The following BMPR1B variants were observed in gnomAD, a reference collection of about 807,000 sequenced individuals.
BMPR1B encodes bone morphogenetic protein receptor type-1B.
In BMPR1B, 12 loss-of-function variants were observed where a neutral mutation model predicts 59.1. The ratio of observed to expected loss-of-function variants is 0.20; its 90% CI spans 0.13 to 0.33. The LOEUF is 0.33. BMPR1B is among the 10% of genes least tolerant of loss of function. The pLI, the probability that BMPR1B is intolerant of heterozygous loss-of-function variation, is 1.00. For missense variants in BMPR1B, 550 were observed against 610.9 expected (o/e 0.90, Z 1.05); for synonymous variants, 237 against 207.3 (o/e 1.14, Z -1.23).
chr4:94,844,106 A>G (rs1418135459), intron 1 of BMPR1B, among the ~76,000 whole-genome samples: 1 of 152,228 alleles, frequency 6.6e-6, no homozygotes, highest in East Asian at 1.9e-4. Flanking sequence ...TGGGGACCAT[A>G]GCTGATAATA....
intron 8 of BMPR1B, among the ~76,000 whole-genome samples, chr4:95,127,262 A>G (rs938667582): frequency 6.6e-6 from 1 of 152,204 alleles, no homozygotes; most frequent in Admixed American, 6.5e-5. Context: ...ATATAGAATT[A>G]AAGTTTAGGT....
intron 3 of BMPR1B, among the ~76,000 whole-genome samples, chr4:95,064,897 A>G (rs1340065699): frequency 6.6e-6 from 1 of 152,138 alleles, no homozygotes; most frequent in East Asian, 1.9e-4. Flanking sequence ...GATGTGGAGA[A>G]ATTGGAATCC....
At chr4:95,073,498 C>T (rs944909425) in intron 3 of BMPR1B, among the ~76,000 whole-genome samples, 3 of 152,150 alleles carry the variant, frequency 2.0e-5, no homozygotes, top group African/African-American at 7.2e-5. Flanking sequence ...TTCCTCCCAA[C>T]ATCATAACCA....
intron 4 of BMPR1B, among the ~76,000 whole-genome samples, chr4:95,104,974 ACAC>A (rs745858391): frequency 6.6e-6 from 1 of 152,054 alleles, no homozygotes; most frequent in African/African-American, 2.4e-5. Context: ...TTTGGAAAGA[ACAC>A]CTAAGCTGCT....
intron 2 of BMPR1B, among the ~76,000 whole-genome samples, chr4:94,946,617 A>G (rs990592123): frequency 9.2e-5 from 14 of 152,204 alleles, no homozygotes; most frequent in Non-Finnish European, 1.8e-4. Context: ...TTATTATTTC[A>G]CTTTTAGAGT....
chr4:94,997,487 G>C (rs764475678), intron 3 of BMPR1B, among the ~76,000 whole-genome samples: 1 of 152,138 alleles, frequency 6.6e-6, no homozygotes, highest in Non-Finnish European at 1.5e-5. Flanking sequence ...TGTTGAATGC[G>C]TATATAACTT....
chr4:94,974,260 A>G (rs1730924369), intron 2 of BMPR1B, among the ~76,000 whole-genome samples: 1 of 152,150 alleles, frequency 6.6e-6, no homozygotes, highest in African/African-American at 2.4e-5. Context: ...AAGGCCATTA[A>G]CACTTTCTTC....
chr4:94,838,146 C>G (rs1724898013), intron 1 of BMPR1B, among the ~76,000 whole-genome samples: 1 of 139,900 alleles, frequency 7.1e-6, no homozygotes, highest in Non-Finnish European at 1.6e-5. Context: ...TGATGTGCTG[C>G]TGGATTCGTT....
intron 2 of BMPR1B, among the ~76,000 whole-genome samples, chr4:94,920,977 T>C (rs1728665646): frequency 6.6e-6 from 1 of 152,214 alleles, no homozygotes; most frequent in Non-Finnish European, 1.5e-5. Context: ...TCTTTTTTCT[T>C]CCGAGAAGAT....
intron 10 of BMPR1B, among the ~76,000 whole-genome samples, chr4:95,147,947 T>C (rs1203286375): frequency 2.6e-5 from 4 of 152,206 alleles, no homozygotes; most frequent in South Asian, 2.1e-4. Context: ...CCGTCATTAC[T>C]CTTTTCCCAG....
intron 3 of BMPR1B, among the ~76,000 whole-genome samples, chr4:95,028,699 G>A (rs962819891): frequency 2.0e-5 from 3 of 152,110 alleles, no homozygotes; most frequent in Non-Finnish European, 4.4e-5. Context: ...ATTTTTAAAA[G>A]ATGCCTTGTT....
At chr4:95,047,372 A>G (rs1181657196) in intron 3 of BMPR1B, among the ~76,000 whole-genome samples, 1 of 152,122 alleles carries the variant, frequency 6.6e-6, no homozygotes, top group Non-Finnish European at 1.5e-5. Context: ...ACTTTCCTTG[A>G]TAGTTTTAAG....
intron 1 of BMPR1B, among the ~76,000 whole-genome samples, chr4:94,760,046 A>G (rs1385389517): frequency 2.0e-5 from 3 of 152,224 alleles, no homozygotes; most frequent in African/African-American, 7.2e-5. Flanking sequence ...TAGTTACATG[A>G]TATAAGTTGA....
intron 2 of BMPR1B, among the ~76,000 whole-genome samples, chr4:94,960,375 A>G (rs758562168): frequency 8.5e-5 from 13 of 152,106 alleles, no homozygotes; most frequent in Non-Finnish European, 1.8e-4. Flanking sequence ...TATTCTTTAT[A>G]TCAATGAGCC....
chr4:94,853,809 A>C (rs761524690), intron 1 of BMPR1B, among the ~76,000 whole-genome samples: 1 of 152,092 alleles, frequency 6.6e-6, no homozygotes, highest in East Asian at 1.9e-4. Context: ...TATGAATTCA[A>C]CATTTGGAAA....
intron 10 of BMPR1B, among the ~76,000 whole-genome samples, chr4:95,140,849 A>G (rs568304046): frequency 6.6e-6 from 1 of 152,202 alleles, no homozygotes; most frequent in Admixed American, 6.5e-5. Flanking sequence ...ACAAAAAAGG[A>G]AAGTGAGTAT....
intron 3 of BMPR1B, among the ~76,000 whole-genome samples, chr4:95,073,738 C>T (rs1317149699): frequency 6.6e-6 from 1 of 152,160 alleles, no homozygotes; most frequent in Non-Finnish European, 1.5e-5. Flanking sequence ...TACAGTTCCA[C>T]TTAGTCTTTC....
chr4:95,144,478 CTTTTT>C lies in BMPR1B; in HGVS notation c.1077-4262_1077-4258del, dbSNP rs33917101. Among the ~76,000 whole-genome samples, 137 of 149,648 alleles carry C rather than the reference CTTTTT, an allele frequency of 9.2e-4. No homozygotes were observed. In the East Asian group the frequency reaches 0.011, roughly 12 times the overall value. On this transcript the variant is annotated intron_variant, in intron 10 of 12. Transcript: ENST00000515059. ...ACAGGCATGAACCACCACACCAGGC[CTTTTT>C]TTTTTTTAAAAAAAATACTCATTGA...
chr4:95,155,193 TC>T lies in BMPR1B; in HGVS notation c.*524del. On this transcript the variant is annotated 3_prime_UTR_variant, in exon 13 of 13. Coordinates refer to ENST00000515059, the MANE Select transcript of BMPR1B (RefSeq NM_001203.3). The stretch of plus-strand genomic sequence containing the variant: ...AGAACGGAACTCATCTTAAACATAC[TC>T]CCCACCCCGTCTTGGCCTCCTCAGA... 1 of 159,246 alleles carries T rather than the reference TC, an allele frequency of 6.3e-6. No homozygotes were observed. The highest frequency in any genetic ancestry group is 2.4e-5 in the African/African-American group (1 of 41,572). The allele number at this position is 159,246 out of a possible 1,614,324, so 9.9% of individuals were successfully genotyped here.
Sources: gnomAD v4.1 joint callset for allele counts (sites outside exome capture counted in the v4.1 genomes callset) on GRCh38, gnomAD v4.1.1 for gene constraint, MANE v1.5 for transcripts, NCBI Gene and HGNC (gene_info 2026-07-23, HGNC 2026-07-21) for gene names.